Variants in EYA2 observed in about 807,000 individuals in gnomAD.
EYA2 encodes protein phosphatase EYA2.
A neutral mutation model predicts 69.2 loss-of-function variants in EYA2; 31 were observed. That is an observed-to-expected ratio of 0.45 (90% CI 0.34 to 0.60). The LOEUF (loss-of-function observed/expected upper bound fraction) is 0.60, where lower values mean the gene tolerates loss of function less well. Ranked by LOEUF, EYA2 falls within the 20% of genes least tolerant of loss-of-function variation. The probability of loss-of-function intolerance (pLI) is 0.02; values close to 1 mark genes in which losing one functional copy is unlikely to be tolerated. For missense variants in EYA2, 622 were observed against 701.2 expected (o/e 0.89, Z 1.28); for synonymous variants, 257 against 279.4 (o/e 0.92, Z 0.80).
intron 5 of EYA2, among the ~76,000 whole-genome samples, chr20:47,023,637 T>G (rs1414097455): frequency 1.0e-5 from 1 of 99,394 alleles, no homozygotes; most frequent in African/African-American, 3.0e-5. Flanking sequence ...TGGGTGTTTT[T>G]TTTTTTTTTT....
chr20:46,996,296 A>G (rs926920065), intron 2 of EYA2, among the ~76,000 whole-genome samples: 34 of 152,176 alleles, frequency 2.2e-4, no homozygotes, highest in African/African-American at 6.3e-4. Flanking sequence ...TGTGGCCCCA[A>G]TATGCACTTG....
intron 10 of EYA2, among the ~76,000 whole-genome samples, chr20:47,154,680 G>A (rs1230214512): frequency 1.3e-5 from 2 of 152,024 alleles, no homozygotes; most frequent in Non-Finnish European, 2.9e-5. Context: ...GTGCAAGGGA[G>A]GCTGGAGTCA....
chr20:46,927,645 G>A (rs969543081), intron 1 of EYA2, among the ~76,000 whole-genome samples: 1 of 152,184 alleles, frequency 6.6e-6, no homozygotes, highest in African/African-American at 2.4e-5. Flanking sequence ...CACGAGAACA[G>A]TATGGAGGAA....
chr20:47,123,210 T>C (rs1409250430), intron 9 of EYA2, among the ~76,000 whole-genome samples: 5 of 152,084 alleles, frequency 3.3e-5, no homozygotes, highest in African/African-American at 1.2e-4. Flanking sequence ...ATGGGGTACA[T>C]GGTGATGTTT....
chr20:47,045,669 A>G (rs1356612535), intron 5 of EYA2, among the ~76,000 whole-genome samples: 5 of 152,240 alleles, frequency 3.3e-5, no homozygotes, highest in Non-Finnish European at 7.3e-5. Context: ...ATATCCGTCT[A>G]CATGAGCAAT....
intron 10 of EYA2, among the ~76,000 whole-genome samples, chr20:47,158,740 G>A (rs974537224): frequency 2.0e-5 from 3 of 151,848 alleles, no homozygotes; most frequent in African/African-American, 7.2e-5. Flanking sequence ...AATTGCTCAG[G>A]AAAACCCAAA....
intron 7 of EYA2, among the ~76,000 whole-genome samples, chr20:47,086,477 A>G (rs2031895943): frequency 1.3e-5 from 2 of 152,196 alleles, no homozygotes; most frequent in African/African-American, 4.8e-5. Context: ...ATTTGCAATC[A>G]TGGCGGAAGG....
chr20:46,924,541 G>A (rs1041577316), intron 1 of EYA2, among the ~76,000 whole-genome samples: 1 of 152,056 alleles, frequency 6.6e-6, no homozygotes, highest in Admixed American at 6.5e-5. Flanking sequence ...GTGGTGGCGG[G>A]CGCCTGTAGT....
intron 5 of EYA2, among the ~76,000 whole-genome samples, chr20:47,060,767 G>T (rs1443528516): frequency 6.6e-6 from 1 of 151,980 alleles, no homozygotes; most frequent in African/African-American, 2.4e-5. Context: ...CACCTGTAAG[G>T]TTTGGATGCT....
At chr20:46,954,123 C>T (rs756199601) in intron 1 of EYA2, among the ~76,000 whole-genome samples, 1 of 152,252 alleles carries the variant, frequency 6.6e-6, no homozygotes, top group Non-Finnish European at 1.5e-5. Context: ...CTCCTCTTCA[C>T]ATCACTTGCT....
intron 2 of EYA2, among the ~76,000 whole-genome samples, chr20:46,994,075 G>T (rs1162934440): frequency 1.3e-5 from 2 of 152,214 alleles, no homozygotes; most frequent in South Asian, 4.1e-4. Context: ...GTAGGTGGAT[G>T]AAGACAGAAT....
intron 12 of EYA2, among the ~76,000 whole-genome samples, chr20:47,173,126 G>C (rs933659936): frequency 1.3e-5 from 2 of 152,068 alleles, no homozygotes; most frequent in Non-Finnish European, 2.9e-5. Flanking sequence ...GTGGACGTGG[G>C]GGCGGAATTC....
intron 1 of EYA2, among the ~76,000 whole-genome samples, chr20:46,955,735 A>T (rs150260842): frequency 6.6e-6 from 1 of 152,176 alleles, no homozygotes; most frequent in Non-Finnish European, 1.5e-5. Context: ...ACATTTTTTC[A>T]CTGTTAGTAC....
At chr20:46,968,269 G>A (rs1979914326) in intron 1 of EYA2, among the ~76,000 whole-genome samples, 1 of 152,232 alleles carries the variant, frequency 6.6e-6, no homozygotes, top group African/African-American at 2.4e-5. Context: ...CTTAGCAATT[G>A]TGATCATTCA....
At chr20:47,008,412 T>TC (rs1219205721) in intron 4 of EYA2, among the ~76,000 whole-genome samples, 1 of 152,158 alleles carries the variant, frequency 6.6e-6, no homozygotes, top group African/African-American at 2.4e-5. Context: ...ATTCTGTAAA[T>TC]CCCGGGGGAT....
rs75995144 is a variant in EYA2, at chr20:47,050,057, G to A, written c.416-22128G>A. On this transcript the variant is annotated intron_variant, in intron 5 of 15. Transcript: ENST00000327619. ...CCCTCAGTGCATCTTTCCAGGGGCT[G>A]CACGATGCTGATGTCTTATTATTGG... Among the ~76,000 whole-genome samples, 1,083 of 152,304 alleles carry A rather than the reference G, an allele frequency of 7.1e-3. 13 individuals carry two copies. The highest frequency in any genetic ancestry group is 0.025 in the African/African-American group (1,026 of 41,550).
intron 13 of EYA2, 64 bp downstream of exon 13, chr20:47,179,976 C>T (rs978225278): frequency 9.1e-7 from 1 of 1,100,984 alleles, no homozygotes; most frequent in Admixed American, 1.8e-5. Context: ...AGTGGTGGCT[C>T]CTGCATGTCC....
chr20:46,969,636 A>G (rs575473722), intron 1 of EYA2, among the ~76,000 whole-genome samples: 1 of 152,324 alleles, frequency 6.6e-6, no homozygotes, highest in East Asian at 1.9e-4. Flanking sequence ...AAGAAATCCC[A>G]GACTTCAGCA....
chr20:46,908,438 G>A (rs186785345), intron 1 of EYA2, among the ~76,000 whole-genome samples: 2 of 152,206 alleles, frequency 1.3e-5, no homozygotes, highest in Non-Finnish European at 2.9e-5. Flanking sequence ...AACAAGGAGG[G>A]CAGGGAAGAT....
Sources: allele counts gnomAD v4.1 joint callset (sites outside exome capture counted in the v4.1 genomes callset), GRCh38; gene constraint gnomAD v4.1.1; transcripts MANE v1.5; gene names NCBI Gene and HGNC (gene_info 2026-07-23, HGNC 2026-07-21).